Variants in SERF1A observed in about 807,000 individuals in gnomAD.
SERF1A encodes small EDRK-rich factor 1.
downstream of SERF1A, among the ~76,000 whole-genome samples, chr5:70,912,053 A>ACTCTCTCTCTCTCTCT (rs1376885416): frequency 2.6e-5 from 1 of 38,046 alleles, no homozygotes; most frequent in African/African-American, 1.3e-4. Context: ...ACACACACAC[A>ACTCTCTCTCTCTCTCT]CACACTCTCT....
intron 2 of SERF1A, chr5:70,905,219 G>C: frequency 6.0e-6 from 1 of 165,834 alleles, no homozygotes; most frequent in Non-Finnish European, 1.0e-5. Context: ...AGACTGGAGT[G>C]CAGTGCCACA....
downstream of SERF1A, among the ~76,000 whole-genome samples, chr5:70,909,082 GTTTT>G (rs1239868777): frequency 1.9e-5 from 1 of 53,144 alleles, no homozygotes; most frequent in Non-Finnish European, 4.2e-5. Context: ...TTTGTGGGGT[GTTTT>G]TTTTTTTTTT....
At chr5:70,910,786 A>ATTATTT, downstream of SERF1A, among the ~76,000 whole-genome samples, 1 of 23,418 alleles carries the variant, frequency 4.3e-5, no homozygotes, top group Non-Finnish European at 9.4e-5. Context: ...AATTTTAATT[A>ATTATTT]TTATTATTAT....
chr5:70,910,798 A>ATTTTTTTTTT (rs1249752268), downstream of SERF1A, among the ~76,000 whole-genome samples: 13 of 20,926 alleles, frequency 6.2e-4, no homozygotes, highest in Non-Finnish European at 8.5e-4. Context: ...TATTATTATT[A>ATTTTTTTTTT]TTTTTTTTTT....
At position 70,904,880 on chromosome 5, in the gene SERF1A, AT is replaced by A. The variant is rs1289460868; in HGVS notation, c.117-2844del. ...TTATACCTTTTTTTTTTTTTTTTGAATTTTTTTTTTATTATTACGCTTTAAG... is the reference window on the plus strand; with the variant it reads ...TTATACCTTTTTTTTTTTTTTTTGAATTTTTTTTTATTATTACGCTTTAAG... On this transcript the variant is annotated intron_variant, in intron 2 of 2. Transcript: ENST00000317633. 2.3e-4 allele frequency among the ~76,000 whole-genome samples: 13 copies of A among 56,634 alleles called. 2 individuals carry two copies. Among genetic ancestry groups the A allele is most frequent in the African/African-American group, 5.5e-4 (8 of 14,596 alleles). 37.2% of individuals were successfully genotyped at this position (56,634 alleles called of 152,430 possible). A position where few individuals can be genotyped will look rare whatever the true frequency, so the allele number is the denominator to read the frequency against.
downstream of SERF1A, among the ~76,000 whole-genome samples, chr5:70,909,060 GT>G (rs1423827273): frequency 5.9e-5 from 3 of 51,092 alleles, no homozygotes; most frequent in African/African-American, 2.0e-4. Context: ...CAACCAGGAA[GT>G]TTTTTGGGTT....
In SERF1A at chr5:70,904,880, A is replaced by AT. The variant is rs1289460868; in HGVS notation, c.117-2844dup. On this transcript the variant is annotated intron_variant, in intron 2 of 2. Transcript: ENST00000317633. ...TTATACCTTTTTTTTTTTTTTTTGAATTTTTTTTTTATTATTACGCTTTAA... is the reference window on the plus strand; with the variant it reads ...TTATACCTTTTTTTTTTTTTTTTGAATTTTTTTTTTTATTATTACGCTTTAA... 1.1e-3 allele frequency among the ~76,000 whole-genome samples: 60 copies of AT among 56,638 alleles called. 12 individuals carry two copies. Among genetic ancestry groups the AT allele is most frequent in the Non-Finnish European group, 1.7e-3 (49 of 29,086 alleles). 37.2% of individuals were successfully genotyped at this position (56,638 alleles called of 152,430 possible).
At chr5:70,913,169 A>G (rs1181877568) in intron 2 of SERF1A, among the ~76,000 whole-genome samples, 1 of 143,348 alleles carries the variant, frequency 7.0e-6, no homozygotes, top group African/African-American at 2.5e-5. Context: ...ACCTGAGGTC[A>G]GGAGTTCAAG....
At chr5:70,912,057 A>ACACTCTCTCT (rs1184160284), downstream of SERF1A, among the ~76,000 whole-genome samples, 61 of 18,604 alleles carry the variant, frequency 3.3e-3, no homozygotes, top group African/African-American at 8.6e-3. Context: ...ACACACACAC[A>ACACTCTCTCT]CTCTCTCTCT....
downstream of SERF1A, among the ~76,000 whole-genome samples, chr5:70,912,057 A>ACACACACACACACACT (rs1184160284): frequency 5.4e-5 from 1 of 18,602 alleles, no homozygotes; most frequent in Non-Finnish European, 1.1e-4. Context: ...ACACACACAC[A>ACACACACACACACACT]CTCTCTCTCT....
chr5:70,912,936 G>GAA (rs1561495985), downstream of SERF1A, among the ~76,000 whole-genome samples: 1 of 44,330 alleles, frequency 2.3e-5, no homozygotes, highest in Non-Finnish European at 4.8e-5. Context: ...GTATGGTGGT[G>GAA]TGTGCCTGTA....
chr5:70,913,393 A>AC (rs546610335), intron 2 of SERF1A, among the ~76,000 whole-genome samples: 1,574 of 143,774 alleles, frequency 0.011, 41 homozygotes, highest in South Asian at 0.032. Context: ...AAAAAAAAAA[A>AC]AAAAAAACAT....
downstream of SERF1A, among the ~76,000 whole-genome samples, chr5:70,912,049 ACACACACACTCTCTCT>A (rs1749130581): frequency 2.3e-5 from 1 of 43,802 alleles, no homozygotes. Flanking sequence ...ACACACACAC[ACACACACACTCTCTCT>A]CTCTCTCTCT....
intron 2 of SERF1A, among the ~76,000 whole-genome samples, chr5:70,913,378 C>CAAAAAAAAA (rs878903389): frequency 1.4e-4 from 8 of 59,070 alleles, no homozygotes; most frequent in East Asian, 7.6e-4. Context: ...GACTCTGTCT[C>CAAAAAAAAA]AAAAAAAAAA....
At chr5:70,912,055 A>ACTCTCTCTCTCTCTCTCTCT (rs1373795637), downstream of SERF1A, among the ~76,000 whole-genome samples, 1 of 30,394 alleles carries the variant, frequency 3.3e-5, no homozygotes, top group African/African-American at 1.2e-4. Context: ...ACACACACAC[A>ACTCTCTCTCTCTCTCTCTCT]CACTCTCTCT....
At chr5:70,912,057 A>ACACACACACACACACACTCT, downstream of SERF1A, among the ~76,000 whole-genome samples, 1 of 18,600 alleles carries the variant, frequency 5.4e-5, no homozygotes, top group African/African-American at 2.1e-4. Flanking sequence ...ACACACACAC[A>ACACACACACACACACACTCT]CTCTCTCTCT....
downstream of SERF1A, among the ~76,000 whole-genome samples, chr5:70,912,968 GA>G (rs1749146534): frequency 2.1e-5 from 1 of 48,464 alleles, no homozygotes; most frequent in Non-Finnish European, 4.3e-5. Flanking sequence ...TTGGGAGGCT[GA>G]GGCAGGAGAA....
At chr5:70,904,360 A>C (rs1580875794) in intron 2 of SERF1A, among the ~76,000 whole-genome samples, 5 of 32,714 alleles carry the variant, frequency 1.5e-4, no homozygotes, top group East Asian at 1.5e-3. Flanking sequence ...GCGCCACCGC[A>C]CTCCAGCCTG....
downstream of SERF1A, among the ~76,000 whole-genome samples, chr5:70,913,070 GAAAT>G (rs1169431968): frequency 3.3e-5 from 4 of 122,646 alleles, no homozygotes; most frequent in Non-Finnish European, 7.1e-5. Context: ...TCATCTCAAA[GAAAT>G]AAATAAATAA....
Sources: allele counts gnomAD v4.1 joint callset (sites outside exome capture counted in the v4.1 genomes callset), GRCh38; gene constraint gnomAD v4.1.1; transcripts MANE v1.5; gene names NCBI Gene and HGNC (gene_info 2026-07-23, HGNC 2026-07-21).